Variants in NXN observed in about 807,000 individuals in gnomAD.
The protein encoded by NXN is nucleoredoxin 1.
Under a neutral mutation model 48.6 loss-of-function variants are expected in NXN, and 16 were observed. The observed-to-expected ratio is 0.33, with a 90% CI of 0.22 to 0.50. The LOEUF is 0.50. Ranked by LOEUF, NXN falls within the 20% of genes least tolerant of loss-of-function variation. The probability of loss-of-function intolerance (pLI) is 0.98; values close to 1 mark genes in which losing one functional copy is unlikely to be tolerated. For synonymous variants in NXN, 281 were observed against 269.6 expected (o/e 1.04, Z -0.41); for missense variants, 492 against 605.5 (o/e 0.81, Z 1.97).
intron 1 of NXN, among the ~76,000 whole-genome samples, chr17:975,527 C>T (rs575423877): frequency 1.8e-4 from 27 of 152,272 alleles, no homozygotes; most frequent in South Asian, 4.2e-4. Context: ...CTTCCCCTGG[C>T]TGGAGCAGGC....
intron 1 of NXN, among the ~76,000 whole-genome samples, chr17:957,106 G>A (rs1381006950): frequency 1.3e-5 from 2 of 151,594 alleles, no homozygotes; most frequent in African/African-American, 4.9e-5. Context: ...GAAAACATGT[G>A]ACCAGCAGGG....
chr17:807,201 C>T (rs1179660461), intron 5 of NXN, among the ~76,000 whole-genome samples: 2 of 152,208 alleles, frequency 1.3e-5, no homozygotes, highest in Admixed American at 1.3e-4. Flanking sequence ...GGACAGCTGG[C>T]CGCACAGGAG....
At chr17:829,606 T>C (rs1913340372) in intron 1 of NXN, among the ~76,000 whole-genome samples, 1 of 152,056 alleles carries the variant, frequency 6.6e-6, no homozygotes, top group South Asian at 2.1e-4. Flanking sequence ...TTTCTCCTAA[T>C]GCTATCCCTC....
chr17:886,594 T>G (rs916002407), intron 1 of NXN, among the ~76,000 whole-genome samples: 2 of 152,126 alleles, frequency 1.3e-5, no homozygotes, highest in African/African-American at 4.8e-5. Flanking sequence ...CTGGCCAATG[T>G]GGTGAAACCC....
intron 1 of NXN, among the ~76,000 whole-genome samples, chr17:835,405 GAACA>G (rs1913758203): frequency 6.6e-6 from 1 of 151,736 alleles, no homozygotes; most frequent in Admixed American, 6.6e-5. Flanking sequence ...AGGCCACAGA[GAACA>G]AAGAAAAAAA....
chr17:927,813 A>G (rs2068816521), intron 1 of NXN, among the ~76,000 whole-genome samples: 1 of 152,076 alleles, frequency 6.6e-6, no homozygotes, highest in Non-Finnish European at 1.5e-5. Context: ...CCATTTCAAA[A>G]GAACTCCTAG....
intron 1 of NXN, among the ~76,000 whole-genome samples, chr17:882,905 G>A (rs2068301533): frequency 6.6e-6 from 1 of 152,068 alleles, no homozygotes; most frequent in Non-Finnish European, 1.5e-5. Flanking sequence ...TGGAATTACA[G>A]GCGCCCGCCA....
At chr17:941,207 T>C (rs1418239700) in intron 1 of NXN, among the ~76,000 whole-genome samples, 5 of 128,218 alleles carry the variant, frequency 3.9e-5, no homozygotes, top group African/African-American at 6.5e-5. Context: ...GATTCCAGGG[T>C]GCAGCCATGA....
chr17:868,561 T>G (rs1003995665), intron 1 of NXN, among the ~76,000 whole-genome samples: 4 of 152,100 alleles, frequency 2.6e-5, no homozygotes, highest in Non-Finnish European at 2.9e-5. Flanking sequence ...ATGCGATCTC[T>G]GCTTACTGCA....
intron 1 of NXN, among the ~76,000 whole-genome samples, chr17:872,222 G>A (rs1230114401): frequency 6.6e-6 from 1 of 150,970 alleles, no homozygotes. Flanking sequence ...GGGGGAGAGA[G>A]GGAGAGAGAG....
Position 800,881 on chromosome 17 carries a change from G to A in NXN, c.*68C>T, listed in dbSNP as rs1597604636. The stretch of plus-strand genomic sequence containing the variant: ...CGGGGCACGCTGGGTAAGTCCAAGG[G>A]CGGAAGGAAGGAGGGGGAGGAGGAG... On this transcript the variant is annotated 3_prime_UTR_variant, in exon 8 of 8. Coordinates refer to ENST00000336868, the MANE Select transcript of NXN (RefSeq NM_022463.5). 2.5e-6 allele frequency: 3 copies of A among 1,186,250 alleles called. No individual in the cohort carries two copies. The highest frequency in any genetic ancestry group is 2.9e-5 in the East Asian group (1 of 34,772). 73.5% of individuals were successfully genotyped at this position (1,186,250 alleles called of 1,614,324 possible). A position where few individuals can be genotyped will look rare whatever the true frequency, so the allele number is the denominator to read the frequency against.
At chr17:835,135 T>G (rs11652252) in intron 1 of NXN, among the ~76,000 whole-genome samples, 3 of 150,942 alleles carry the variant, frequency 2.0e-5, no homozygotes, top group Non-Finnish European at 4.4e-5. Context: ...GGTGAAACCC[T>G]GTCTCTACTA....
At position 825,223 on chromosome 17, in the gene NXN, A is replaced by G. The variant is rs1368940963; in HGVS notation, c.478+738T>C. Among the ~76,000 whole-genome samples, 29 of 37,002 alleles carry G rather than the reference A, an allele frequency of 7.8e-4. No individual in the cohort carries two copies. The highest frequency in any genetic ancestry group is 0.014 in the Middle Eastern group (1 of 70). 24.3% of individuals were successfully genotyped at this position (37,002 alleles called of 152,430 possible). A position where few individuals can be genotyped will look rare whatever the true frequency, so the allele number is the denominator to read the frequency against. On this transcript the variant is annotated intron_variant, in intron 2 of 7. Coordinates refer to ENST00000336868, the MANE Select transcript of NXN (RefSeq NM_022463.5). This position sits in a 1 kb window ranked among gnomAD's most constrained non-coding sequence, Gnocchi z 4.1. ...CAGAGGGAGATAGTGTCTCAAGAGAAAAAAAAAAAAAAAAAAGAAAAGCTT... is the reference window on the plus strand; with the variant it reads ...CAGAGGGAGATAGTGTCTCAAGAGAGAAAAAAAAAAAAAAAAGAAAAGCTT...
rs199651629 is a variant in NXN, at chr17:809,948, C to T, written c.821-4701G>A. 4.4e-4 allele frequency among the ~76,000 whole-genome samples: 55 copies of T among 124,504 alleles called. 2 individuals are homozygous for T. Among genetic ancestry groups the T allele is most frequent in the Middle Eastern group, 0.013 (2 of 160 alleles). 81.7% of individuals were successfully genotyped at this position (124,504 alleles called of 152,430 possible). A position where few individuals can be genotyped will look rare whatever the true frequency, so the allele number is the denominator to read the frequency against. ...GTCCGTGTGAGTGGCGTGTACGTTACGAGTCTGTGTGAGTGGCGTGTACGT... is the reference window on the plus strand; with the variant it reads ...GTCCGTGTGAGTGGCGTGTACGTTATGAGTCTGTGTGAGTGGCGTGTACGT... On this transcript the variant is annotated intron_variant, in intron 5 of 7. Transcript: ENST00000336868.
At position 812,485 on chromosome 17, in the gene NXN, C is replaced by T. The variant is rs114839798; in HGVS notation, c.820+6954G>A. 6.9e-3 allele frequency among the ~76,000 whole-genome samples: 1,048 copies of T among 152,308 alleles called. 11 individuals are homozygous for T. The highest frequency in any genetic ancestry group is 0.022 in the African/African-American group (901 of 41,554). ...GGCACAGACAGACTCAAACAGGGAG[C>T]AGGACGTCCCCAGAGAAGCCCCACA... is the stretch of plus-strand genomic sequence containing the variant. On this transcript the variant is annotated intron_variant, in intron 5 of 7. Coordinates refer to ENST00000336868, the MANE Select transcript of NXN (RefSeq NM_022463.5).
At chr17:841,483 C>CT (rs1914239664) in intron 1 of NXN, among the ~76,000 whole-genome samples, 4 of 145,790 alleles carry the variant, frequency 2.7e-5, no homozygotes, top group South Asian at 4.3e-4. Context: ...CGAGCAGGTC[C>CT]CCCCTGACCA....
intron 1 of NXN, among the ~76,000 whole-genome samples, chr17:904,251 G>C (rs1385336827): frequency 6.6e-6 from 1 of 151,994 alleles, no homozygotes; most frequent in Non-Finnish European, 1.5e-5. Flanking sequence ...GTTGTAAGCG[G>C]GCCTTGCTGC....
rs536993265 is a variant in NXN, at chr17:812,610, G to T, written c.820+6829C>A. Among the ~76,000 whole-genome samples the T allele has an allele frequency of 4.8e-5, 7 of 144,648 alleles. No homozygotes were observed. In the South Asian group the frequency reaches 1.0e-3, roughly 22 times the overall value. The allele number at this position is 144,648 out of a possible 152,430, so 94.9% of individuals were successfully genotyped here. A position where few individuals can be genotyped will look rare whatever the true frequency, so the allele number is the denominator to read the frequency against. ...GTGTGTGATGGCGCGAGTGTGCATTGTGTGAGTGTAGGTGAGTGTAGGTGT... is the reference window on the plus strand; with the variant it reads ...GTGTGTGATGGCGCGAGTGTGCATTTTGTGAGTGTAGGTGAGTGTAGGTGT... On this transcript the variant is annotated intron_variant, in intron 5 of 7. Coordinates refer to ENST00000336868, the MANE Select transcript of NXN (RefSeq NM_022463.5).
At chr17:824,036 ATTTTTT>A (rs11345667) in intron 2 of NXN, among the ~76,000 whole-genome samples, 1 of 116,790 alleles carries the variant, frequency 8.6e-6, no homozygotes, top group Non-Finnish European at 1.7e-5. Flanking sequence ...TTCCAGGGAC[ATTTTTT>A]TTTTTTTTTT....
Sources: allele counts gnomAD v4.1 joint callset (sites outside exome capture counted in the v4.1 genomes callset), GRCh38; gene constraint gnomAD v4.1.1; non-coding constraint Gnocchi (gnomAD v3.1); transcripts MANE v1.5; gene names NCBI Gene and HGNC (gene_info 2026-07-23, HGNC 2026-07-21).